ATP8A2: variants seen among roughly 807,000 people sequenced by gnomAD.
ATP8A2 encodes the protein phospholipid-transporting ATPase IB.
A neutral mutation model predicts 165.6 loss-of-function variants in ATP8A2; 100 were observed. The observed-to-expected ratio is 0.60, with a 90% CI of 0.51 to 0.71. The LOEUF is 0.71. ATP8A2 is among the 30% of genes least tolerant of loss of function. The pLI is 0.00. For missense variants in ATP8A2, 1,227 were observed against 1,479.5 expected (o/e 0.83, Z 2.80); for synonymous variants, 543 against 548.8 (o/e 0.99, Z 0.15).
intron 24 of ATP8A2, among the ~76,000 whole-genome samples, chr13:25,657,474 G>A (rs2041959327): frequency 6.6e-6 from 1 of 152,176 alleles, no homozygotes; most frequent in Non-Finnish European, 1.5e-5. Flanking sequence ...CAGCAGCAGA[G>A]CATGTTCAGC....
At chr13:25,851,626 A>G (rs1026180690) in intron 30 of ATP8A2, among the ~76,000 whole-genome samples, 5 of 151,802 alleles carry the variant, frequency 3.3e-5, no homozygotes, top group South Asian at 2.1e-4. Context: ...TTTAGAAGCT[A>G]CATTTAGAAA....
At chr13:25,776,585 A>G (rs1185112597) in intron 27 of ATP8A2, among the ~76,000 whole-genome samples, 1 of 151,942 alleles carries the variant, frequency 6.6e-6, no homozygotes, top group African/African-American at 2.4e-5. Flanking sequence ...CTCTTCTCTT[A>G]TTTTTACAAT....
chr13:25,697,301 A>G (rs2042853859), intron 24 of ATP8A2, among the ~76,000 whole-genome samples: 1 of 151,144 alleles, frequency 6.6e-6, no homozygotes, highest in Admixed American at 6.6e-5. Flanking sequence ...TGTTTTTGAG[A>G]CGGAGCCTCA....
In ATP8A2 at chr13:25,372,332, G is replaced by A; in HGVS notation, c.76+44G>A. On this transcript the variant is annotated intron_variant, in intron 1 of 36. Transcript: ENST00000381655. The surrounding 1 kb of genome is among the most constrained non-coding windows in gnomAD (Gnocchi z 4.8). ...GGCGAGGGAGGGTGGGCCCGGGGCG[G>A]GGGCGGCGCGGGGCGCGCCTGCGGT... 7.5e-7 allele frequency: 1 copy of A among 1,334,676 alleles called. No homozygotes were observed. Among genetic ancestry groups the A allele is most frequent in the Non-Finnish European group, 9.9e-7 (1 of 1,009,852 alleles). The allele number at this position is 1,334,676 out of a possible 1,614,324, so 82.7% of individuals were successfully genotyped here.
At chr13:26,007,804 G>T (rs1956773321) in intron 35 of ATP8A2, among the ~76,000 whole-genome samples, 1 of 152,150 alleles carries the variant, frequency 6.6e-6, no homozygotes, top group Non-Finnish European at 1.5e-5. Flanking sequence ...AGAGGCAGAG[G>T]TTTCATGGGT....
intron 25 of ATP8A2, among the ~76,000 whole-genome samples, chr13:25,727,071 T>C (rs1159655879): frequency 6.6e-6 from 1 of 152,150 alleles, no homozygotes; most frequent in Non-Finnish European, 1.5e-5. Context: ...GGTACATGCA[T>C]GCACGTGATG....
intron 21 of ATP8A2, 107 bp downstream of exon 21, chr13:25,579,006 C>T (rs1016121727): frequency 1.5e-5 from 12 of 781,608 alleles, no homozygotes; most frequent in Non-Finnish European, 2.4e-5. Flanking sequence ...CCATCCCCTC[C>T]TGTGCCCATG....
chr13:25,642,474 C>T (rs1052800220), intron 24 of ATP8A2, among the ~76,000 whole-genome samples: 10 of 152,180 alleles, frequency 6.6e-5, no homozygotes, highest in Non-Finnish European at 1.5e-4. Context: ...GACATTTATG[C>T]AGCCAACAGA....
Position 25,852,056 on chromosome 13 carries a change from C to G in ATP8A2, c.2957-8139C>G, listed in dbSNP as rs1488454886. Among the ~76,000 whole-genome samples the G allele has an allele frequency of 2.0e-5, 3 of 152,048 alleles. No homozygotes were observed. The East Asian group carries it at 5.8e-4, about 29-fold the overall frequency. On this transcript the variant is annotated intron_variant, in intron 30 of 36. Transcript: ENST00000381655. Reference sequence around the variant, plus strand: ...GATTGCGTAGAGGACTGTATCCGACCCCAATGTCTCCTCCTCAGTCTGACG... The same window carrying G: ...GATTGCGTAGAGGACTGTATCCGACGCCAATGTCTCCTCCTCAGTCTGACG...
intron 1 of ATP8A2, 110 bp from the exon 2 acceptor site, chr13:25,468,867 G>A (rs1470740487): frequency 3.9e-6 from 6 of 1,530,246 alleles, no homozygotes; most frequent in Admixed American, 1.9e-5. Context: ...CGCCTCACCC[G>A]AGCATCCTTC....
chr13:26,014,453 G>C (rs1363870992), intron 36 of ATP8A2, among the ~76,000 whole-genome samples: 1 of 152,142 alleles, frequency 6.6e-6, no homozygotes, highest in Non-Finnish European at 1.5e-5. Context: ...GAATCAGTAG[G>C]GGTAAGGAAG....
At chr13:25,624,242 A>G (rs2041047908) in intron 24 of ATP8A2, among the ~76,000 whole-genome samples, 1 of 152,180 alleles carries the variant, frequency 6.6e-6, no homozygotes, top group Admixed American at 6.6e-5. Flanking sequence ...CTTACAAGCT[A>G]CTGATATATG....
At chr13:25,564,944 A>G (rs1397745579) in intron 16 of ATP8A2, among the ~76,000 whole-genome samples, 2 of 151,712 alleles carry the variant, frequency 1.3e-5, no homozygotes, top group Non-Finnish European at 2.9e-5. Context: ...CCCACATTTC[A>G]GTGAGAACAC....
intron 24 of ATP8A2, among the ~76,000 whole-genome samples, chr13:25,672,081 G>A (rs2042277040): frequency 6.6e-6 from 1 of 152,198 alleles, no homozygotes; most frequent in Non-Finnish European, 1.5e-5. Flanking sequence ...CAATAGAGCA[G>A]CGTACTATTT....
intron 24 of ATP8A2, among the ~76,000 whole-genome samples, chr13:25,616,082 C>T (rs1484890512): frequency 6.6e-6 from 1 of 152,044 alleles, no homozygotes; most frequent in Non-Finnish European, 1.5e-5. Flanking sequence ...TTCTCCTATA[C>T]CCCAGTTATC....
intron 24 of ATP8A2, among the ~76,000 whole-genome samples, chr13:25,610,922 G>A (rs367998836): frequency 2.4e-5 from 3 of 124,068 alleles, no homozygotes; most frequent in Non-Finnish European, 5.0e-5. Context: ...AGAAGGGGTT[G>A]AGTTCTTGAT....
chr13:26,003,616 A>G (rs1174465127), intron 35 of ATP8A2, among the ~76,000 whole-genome samples: 1 of 152,072 alleles, frequency 6.6e-6, no homozygotes, highest in East Asian at 1.9e-4. Flanking sequence ...AGTGTCATAG[A>G]CCTTTCCCCT....
chr13:25,941,538 G>C (rs577400654), intron 33 of ATP8A2, among the ~76,000 whole-genome samples: 1 of 152,212 alleles, frequency 6.6e-6, no homozygotes, highest in Admixed American at 6.5e-5. Context: ...CCACACAGGC[G>C]TCTCTTCCAG....
chr13:25,564,718 A>AATTGTAT (rs2039260491), intron 16 of ATP8A2, among the ~76,000 whole-genome samples: 1 of 152,042 alleles, frequency 6.6e-6, no homozygotes, highest in Non-Finnish European at 1.5e-5. Context: ...ATAAGGGAAA[A>AATTGTAT]ATTGTATTGA....
Sources: allele counts gnomAD v4.1 joint callset (sites outside exome capture counted in the v4.1 genomes callset), GRCh38; gene constraint gnomAD v4.1.1; non-coding constraint Gnocchi (gnomAD v3.1); transcripts MANE v1.5; gene names NCBI Gene and HGNC (gene_info 2026-07-23, HGNC 2026-07-21).